The following ENOX1 variants were observed in gnomAD, a reference collection of about 807,000 sequenced individuals.
ENOX1 encodes the protein ecto-NOX disulfide-thiol exchanger 1.
A neutral mutation model predicts 82.5 loss-of-function variants in ENOX1; 42 were observed. The ratio of observed to expected loss-of-function variants is 0.51; its 90% CI spans 0.40 to 0.66. The LOEUF (loss-of-function observed/expected upper bound fraction) is 0.66, where lower values mean the gene tolerates loss of function less well. ENOX1 is among the 30% of genes least tolerant of loss of function. The pLI is 0.00. For missense variants in ENOX1, 608 were observed against 811.6 expected (o/e 0.75, Z 3.05); for synonymous variants, 271 against 282.2 (o/e 0.96, Z 0.40).
chr13:43,454,174 A>G (rs2057110360), intron 3 of ENOX1, among the ~76,000 whole-genome samples: 1 of 152,166 alleles, frequency 6.6e-6, no homozygotes, highest in Non-Finnish European at 1.5e-5. Flanking sequence ...AAAGGTGAAT[A>G]GTATTATAAG....
At chr13:43,260,928 A>G (rs1208193351) in intron 14 of ENOX1, among the ~76,000 whole-genome samples, 1 of 152,258 alleles carries the variant, frequency 6.6e-6, no homozygotes, top group Non-Finnish European at 1.5e-5. Flanking sequence ...TAATATATCC[A>G]GTTCCAACTA....
At chr13:43,332,402 T>A (rs1354681929) in intron 9 of ENOX1, among the ~76,000 whole-genome samples, 6 of 152,172 alleles carry the variant, frequency 3.9e-5, no homozygotes, top group African/African-American at 4.8e-5. Context: ...CAGGTGGCAA[T>A]GCTCACTCAC....
chr13:43,407,658 C>T (rs2053879107), intron 5 of ENOX1, among the ~76,000 whole-genome samples: 1 of 152,110 alleles, frequency 6.6e-6, no homozygotes, highest in African/African-American at 2.4e-5. Context: ...TGCACATTAG[C>T]ATAGTAAAGG....
Position 43,351,504 on chromosome 13 carries a change from C to A in ENOX1, c.823+4415G>T, listed in dbSNP as rs865785982. On this transcript the variant is annotated intron_variant, in intron 8 of 16. Transcript: ENST00000690772. The stretch of plus-strand genomic sequence containing the variant: ...GGTTAGTTACATATGTATACATGTG[C>A]CATGCTGGTGCGCTGCACCCACTAA... Among the ~76,000 whole-genome samples the A allele has an allele frequency of 5.7e-3, 844 of 147,726 alleles. 10 individuals are homozygous for A. The highest frequency in any genetic ancestry group is 0.02 in the African/African-American group (811 of 40,316).
intron 3 of ENOX1, among the ~76,000 whole-genome samples, chr13:43,425,838 G>A (rs943037160): frequency 1.3e-5 from 2 of 152,082 alleles, no homozygotes; most frequent in African/African-American, 4.8e-5. Context: ...TTTGTAACTG[G>A]GCTATCTCAC....
chr13:43,249,829 T>G (rs1177463749), intron 14 of ENOX1, among the ~76,000 whole-genome samples: 1 of 152,202 alleles, frequency 6.6e-6, no homozygotes, highest in African/African-American at 2.4e-5. Flanking sequence ...TAGTAAACAT[T>G]GAATATCTTC....
intron 7 of ENOX1, among the ~76,000 whole-genome samples, chr13:43,357,913 C>T (rs1272626874): frequency 6.6e-6 from 1 of 152,142 alleles, no homozygotes; most frequent in Non-Finnish European, 1.5e-5. Context: ...AGTTAATTGG[C>T]CTTGCAGATC....
chr13:43,413,846 C>A (rs2054288718), intron 3 of ENOX1, among the ~76,000 whole-genome samples: 1 of 151,456 alleles, frequency 6.6e-6, no homozygotes, highest in African/African-American at 2.4e-5. Flanking sequence ...TCTCTCCACC[C>A]TTAGAAATGC....
intron 2 of ENOX1, among the ~76,000 whole-genome samples, chr13:43,493,015 C>T (rs1050926332): frequency 3.3e-5 from 5 of 152,178 alleles, no homozygotes; most frequent in African/African-American, 1.2e-4. Context: ...TGCCTCCAGA[C>T]TGTCTTTGGA....
At chr13:43,427,705 A>G (rs1336374383) in intron 3 of ENOX1, among the ~76,000 whole-genome samples, 1 of 152,238 alleles carries the variant, frequency 6.6e-6, no homozygotes, top group Non-Finnish European at 1.5e-5. Flanking sequence ...AAAGTTTGCA[A>G]TAATACAGTC....
chr13:43,214,322 C>T (rs985124796), intron 16 of ENOX1, among the ~76,000 whole-genome samples: 1 of 152,162 alleles, frequency 6.6e-6, no homozygotes, highest in African/African-American at 2.4e-5. Context: ...CGGGGTGGGG[C>T]GTGGGTTGGC....
rs766276652 is a variant in ENOX1 at position 43,361,367 on chromosome 13, T to G, written c.294A>C (p.Gly98=). The change falls in exon 6 of 17, where the codon GGA becomes GGC. Residue 98 remains glycine (G), a synonymous_variant. Coordinates refer to ENST00000690772, the MANE Select transcript of ENOX1 (RefSeq NM_001347969.2). ...TPINPMIPGL[G]LVPPPPPTEV... ...CTGTTGGTGGTGGGGGAGGTACCAG[T>G]CCAAGGCCTGGTATCATTGGGTTAA... is the stretch of plus-strand genomic sequence containing the variant. The G allele has an allele frequency of 6.2e-7, 1 of 1,613,670 alleles. No individual in the cohort carries two copies.
At chr13:43,443,563 A>G (rs2031358) in intron 3 of ENOX1, among the ~76,000 whole-genome samples, 53,901 of 152,036 alleles carry the variant, frequency 0.35, 10,872 homozygotes, top group South Asian at 0.47. Context: ...GGCACCATCC[A>G]CTGTCCCTCT....
intron 2 of ENOX1, among the ~76,000 whole-genome samples, chr13:43,485,166 T>C (rs528163957): frequency 1.3e-4 from 20 of 152,168 alleles, no homozygotes; most frequent in Non-Finnish European, 2.5e-4. Flanking sequence ...AGGGCTCTAG[T>C]TGGATTTCCA....
chr13:43,390,927 T>C (rs1430912530), intron 5 of ENOX1, among the ~76,000 whole-genome samples: 1 of 152,180 alleles, frequency 6.6e-6, no homozygotes, highest in African/African-American at 2.4e-5. Flanking sequence ...GCACATCCAT[T>C]ACTATCTGAA....
intron 2 of ENOX1, among the ~76,000 whole-genome samples, chr13:43,522,420 A>G (rs2077810639): frequency 6.6e-6 from 1 of 152,170 alleles, no homozygotes; most frequent in Non-Finnish European, 1.5e-5. Flanking sequence ...TAATTCCCAT[A>G]TTTCAAAATA....
chr13:43,607,242 C>G (rs2082014523), intron 2 of ENOX1, among the ~76,000 whole-genome samples: 1 of 151,124 alleles, frequency 6.6e-6, no homozygotes, highest in African/African-American at 2.4e-5. Context: ...TACGTAACCA[C>G]AAAAATTAAA....
At chr13:43,229,172 C>G (rs1310034539) in intron 15 of ENOX1, among the ~76,000 whole-genome samples, 2 of 152,216 alleles carry the variant, frequency 1.3e-5, no homozygotes, top group African/African-American at 4.8e-5. Flanking sequence ...TGCCTTTTGC[C>G]TTCCACCTTC....
At chr13:43,589,919 C>T (rs1160227714) in intron 2 of ENOX1, among the ~76,000 whole-genome samples, 1 of 149,162 alleles carries the variant, frequency 6.7e-6, no homozygotes, top group Admixed American at 6.7e-5. Context: ...AAAAAAAATC[C>T]TTAATATACA....
Sources: gnomAD v4.1 joint callset for allele counts (sites outside exome capture counted in the v4.1 genomes callset) on GRCh38, gnomAD v4.1.1 for gene constraint, MANE v1.5 for transcripts, NCBI Gene and HGNC (gene_info 2026-07-23, HGNC 2026-07-21) for gene names.